C2: variants seen among roughly 807,000 people sequenced by gnomAD.
C2 encodes C3/C5 convertase.
In C2, 64 loss-of-function variants were observed where a neutral mutation model predicts 85.2. That is an observed-to-expected ratio of 0.75 (90% CI 0.61 to 0.92). C2 has a LOEUF of 0.92. C2 is among the 40% of genes least tolerant of loss of function. The probability of loss-of-function intolerance (pLI) is 0.00; values close to 1 mark genes in which losing one functional copy is unlikely to be tolerated. For missense variants in C2, 820 were observed against 971.6 expected (o/e 0.84, Z 2.07); for synonymous variants, 311 against 370.8 (o/e 0.84, Z 1.85).
chr6:31,904,580 T>C lies in C2; in HGVS notation c.73+3441T>C, dbSNP rs1767595594. 6.6e-6 allele frequency among the ~76,000 whole-genome samples: 1 copy of C among 151,976 alleles called. No homozygotes were observed. The highest frequency in any genetic ancestry group is 1.5e-5 in the Non-Finnish European group (1 of 68,000). On this transcript the variant is annotated intron_variant, in intron 1 of 3. Coordinates refer to the C2 transcript ENST00000452202. This position sits in a 1 kb window ranked among gnomAD's most constrained non-coding sequence, Gnocchi z 4.4. Reference sequence around the variant, plus strand: ...CCACCTTGCTCAGCCTCCCAAAGTGTTGGGATTACAGGCGTGAGCCACTGC... The same window carrying C: ...CCACCTTGCTCAGCCTCCCAAAGTGCTGGGATTACAGGCGTGAGCCACTGC...
intron 1 of C2, among the ~76,000 whole-genome samples, chr6:31,909,899 GA>G: frequency 6.9e-6 from 1 of 144,782 alleles, no homozygotes; most frequent in South Asian, 2.2e-4. Context: ...GTTTTTTTTT[GA>G]GACAGCGTCT....
Position 31,945,225 on chromosome 6 carries a change from T to A in C2, c.2127T>A (p.Ala709=). 1 of 1,612,944 alleles carries A rather than the reference T, an allele frequency of 6.2e-7. No individual in the cohort carries two copies. The highest frequency in any genetic ancestry group is 8.5e-7 in the Non-Finnish European group (1 of 1,180,006). Residue 709 remains alanine (A), a synonymous_variant, in exon 18 of 18, where the codon GCT becomes GCA. Coordinates refer to ENST00000299367, the MANE Select transcript of C2 (RefSeq NM_000063.6). The surrounding 1 kb of genome is among the most constrained non-coding windows in gnomAD (Gnocchi z 5.3). ...TTTACAACCCCTGCCTTGGCTCTGC[T>A]GACAAAAACTCCCGCAAAAGGGCCC... ...WGLYNPCLGS[A]DKNSRKRAPR...
chr6:31,913,231 A>G (rs1768244566), intron 1 of C2, among the ~76,000 whole-genome samples: 1 of 151,986 alleles, frequency 6.6e-6, no homozygotes, highest in African/African-American at 2.4e-5. Context: ...CAAGCATGCC[A>G]CCATGCCTGA....
upstream of C2, among the ~76,000 whole-genome samples, chr6:31,923,731 C>T (rs537237249): frequency 4.3e-3 from 659 of 151,850 alleles, 4 homozygotes; most frequent in African/African-American, 0.014. Context: ...CCTCGTGATC[C>T]GCCCGCCTCG....
chr6:31,900,252 T>C, upstream of C2: 1 of 1,613,898 alleles, frequency 6.2e-7, no homozygotes, highest in Non-Finnish European at 8.5e-7. The surrounding 1 kb of genome is among the most constrained non-coding windows in gnomAD (Gnocchi z 9.7). Flanking sequence ...TGCGCCCGCA[T>C]GTGGAAGACC....
intron 3 of C2, among the ~76,000 whole-genome samples, chr6:31,932,017 A>C (rs1158221188): frequency 8.7e-6 from 1 of 114,704 alleles, no homozygotes. Context: ...CCTCCCGGAC[A>C]GAGTGGCTGG....
At chr6:31,900,064 G>C (rs772106437), upstream of C2, 4 of 1,613,266 alleles carry the variant, frequency 2.5e-6, no homozygotes, top group Middle Eastern at 1.7e-4. The surrounding 1 kb of genome is among the most constrained non-coding windows in gnomAD (Gnocchi z 9.7). Flanking sequence ...AGCAGCGGTA[G>C]GGCCGCGCTC....
chr6:31,933,532 T>G (rs1017244389), intron 3 of C2, 78 bp from the exon 4 acceptor site: 1 of 1,518,190 alleles, frequency 6.6e-7, no homozygotes, highest in Non-Finnish European at 9.1e-7. Flanking sequence ...AAGCTTCTGC[T>G]GGCAACTGAG....
chr6:31,932,217 C>T lies in C2; in HGVS notation c.443-1393C>T, dbSNP rs1411987994. On this transcript the variant is annotated intron_variant, in intron 3 of 17. Transcript: ENST00000299367. ...CCGGGCAGAGGCGCCCCTCACTTCC[C>T]GGACGGGGCGGCTGGCCGGGCTGGG... 9 of 153,206 alleles carry T rather than the reference C, an allele frequency of 5.9e-5. No individual in the cohort carries two copies. The East Asian group carries it at 9.9e-4, about 17-fold the overall frequency. 9.5% of individuals were successfully genotyped at this position (153,206 alleles called of 1,614,324 possible).
chr6:31,934,776 G>A (rs1770269565), intron 6 of C2: 2 of 716,430 alleles, frequency 2.8e-6, no homozygotes, highest in Non-Finnish European at 3.5e-6. Flanking sequence ...TTGGGAGGCC[G>A]AGGCAGGTGG....
chr6:31,931,265 T>C (rs1769715397), intron 3 of C2, among the ~76,000 whole-genome samples: 1 of 150,254 alleles, frequency 6.7e-6, no homozygotes. Flanking sequence ...GAACATTCTT[T>C]TTTTTTTTTT....
At chr6:31,919,144 CT>C (rs559090030), upstream of C2, among the ~76,000 whole-genome samples, 114 of 133,648 alleles carry the variant, frequency 8.5e-4, no homozygotes, top group African/African-American at 7.5e-4. Context: ...CTTTTCTTTT[CT>C]TTTTTTTTTT....
chr6:31,903,617 A>C (rs1196770528), intron 1 of C2, among the ~76,000 whole-genome samples: 1 of 152,094 alleles, frequency 6.6e-6, no homozygotes, highest in Non-Finnish European at 1.5e-5. Flanking sequence ...GCGACAGAGC[A>C]AGACTCCTTC....
rs1347630564 is a variant in C2 at position 31,904,899 on chromosome 6, C to A, written c.73+3760C>A. ...TGAATCCTTCAAGTGTCCAGCCCAC[C>A]CAGTTACAACTCTGCGTAAAAACAA... On this transcript the variant is annotated intron_variant, in intron 1 of 3. Coordinates refer to the C2 transcript ENST00000452202. The surrounding 1 kb of genome is among the most constrained non-coding windows in gnomAD (Gnocchi z 4.4). 6.6e-6 allele frequency among the ~76,000 whole-genome samples: 1 copy of A among 151,952 alleles called. No individual in the cohort carries two copies. The highest frequency in any genetic ancestry group is 1.5e-5 in the Non-Finnish European group (1 of 68,026).
chr6:31,908,469 A>G (rs982498305), intron 1 of C2, among the ~76,000 whole-genome samples: 1 of 151,502 alleles, frequency 6.6e-6, no homozygotes, highest in Admixed American at 6.6e-5. Flanking sequence ...CTGGGCCAAC[A>G]TGGTGAAACC....
At chr6:31,900,356 C>G, upstream of C2, 1 of 1,599,076 alleles carries the variant, frequency 6.3e-7, no homozygotes, top group Non-Finnish European at 8.5e-7. This position sits in a 1 kb window ranked among gnomAD's most constrained non-coding sequence, Gnocchi z 9.7. Context: ...CAGGGGTCCC[C>G]GGCTGCCCCC....
intron 8 of C2, among the ~76,000 whole-genome samples, chr6:31,938,610 G>A (rs1770630998): frequency 6.6e-6 from 1 of 151,452 alleles, no homozygotes; most frequent in Admixed American, 6.6e-5. Context: ...TCGTGCCTCA[G>A]CCTCCAGAGT....
Position 31,921,008 on chromosome 6 carries a change from T to C in C2, c.-100+982T>C, listed in dbSNP as rs1768926299. Among the ~76,000 whole-genome samples the C allele has an allele frequency of 6.6e-6, 1 of 152,086 alleles. No individual in the cohort carries two copies. Among genetic ancestry groups the C allele is most frequent in the African/African-American group, 2.4e-5 (1 of 41,412 alleles). ...ACCCTTTCTGAGGCTCTAAGGGTGA[T>C]GTATGTGGAGATTCCTCAAGATCAT... On this transcript the variant is annotated intron_variant, in intron 1 of 3. Coordinates refer to the C2 transcript ENST00000413154. The surrounding 1 kb of genome is among the most constrained non-coding windows in gnomAD (Gnocchi z 4.6).
chr6:31,923,499 G>A (rs892069403), upstream of C2, among the ~76,000 whole-genome samples: 5 of 150,138 alleles, frequency 3.3e-5, no homozygotes, highest in Non-Finnish European at 5.9e-5. Context: ...TTTTTTTTTT[G>A]TTGAGATGGA....
Sources: allele counts gnomAD v4.1 joint callset (sites outside exome capture counted in the v4.1 genomes callset), GRCh38; gene constraint gnomAD v4.1.1; non-coding constraint Gnocchi (gnomAD v3.1); transcripts MANE v1.5; gene names NCBI Gene and HGNC (gene_info 2026-07-23, HGNC 2026-07-21).